The following SMYD3 variants were observed in gnomAD, a reference collection of about 807,000 sequenced individuals.
SMYD3 encodes the protein histone-lysine N-methyltransferase SMYD3.
SMYD3 carries 36 observed loss-of-function variants against 57.7 expected under a neutral mutation model. That is an observed-to-expected ratio of 0.62 (90% confidence interval 0.48 to 0.82). The LOEUF (loss-of-function observed/expected upper bound fraction) is 0.82, where lower values mean the gene tolerates loss of function less well. Among genes scored for constraint, SMYD3 ranks in the 40% least tolerant of loss-of-function variants. SMYD3 has a pLI of 0.00. For synonymous variants in SMYD3, 211 were observed against 195.0 expected, an observed-to-expected ratio of 1.08 and a Z score of -0.68; for missense variants, 515 against 538.8, an observed-to-expected ratio of 0.96 and a Z score of 0.44.
intron 5 of SMYD3, among the ~76,000 whole-genome samples, chr1:246,127,846 C>T (rs1015258438): frequency 5.3e-5 from 8 of 151,632 alleles, no homozygotes; most frequent in African/African-American, 1.2e-4. Flanking sequence ...CAGTGAGCCA[C>T]GATCACGCCC....
At chr1:246,413,205 A>C (rs2067005168) in intron 1 of SMYD3, among the ~76,000 whole-genome samples, 1 of 152,224 alleles carries the variant, frequency 6.6e-6, no homozygotes, top group Non-Finnish European at 1.5e-5. Context: ...CGTAGGTACC[A>C]AATTTAGCTT....
intron 5 of SMYD3, among the ~76,000 whole-genome samples, chr1:246,036,755 G>A (rs937263707): frequency 7.2e-6 from 1 of 139,598 alleles, no homozygotes; most frequent in East Asian, 2.2e-4. Flanking sequence ...TAGTAGAGAT[G>A]GGGTTTCACC....
chr1:246,255,705 T>C (rs183713571), intron 5 of SMYD3, among the ~76,000 whole-genome samples: 31 of 152,034 alleles, frequency 2.0e-4, no homozygotes, highest in African/African-American at 6.3e-4. Flanking sequence ...AGTTTCAAAA[T>C]TGGTAGCAGC....
At chr1:246,359,116 G>A (rs2065951408) in intron 1 of SMYD3, among the ~76,000 whole-genome samples, 1 of 152,108 alleles carries the variant, frequency 6.6e-6, no homozygotes, top group African/African-American at 2.4e-5. Flanking sequence ...AGCTCAACTG[G>A]AAATGAAATG....
At chr1:246,465,340 T>G (rs1367159198) in intron 1 of SMYD3, among the ~76,000 whole-genome samples, 4 of 152,214 alleles carry the variant, frequency 2.6e-5, no homozygotes, top group Non-Finnish European at 5.9e-5. Context: ...ATAAACGAAT[T>G]CACAAATCAG....
At chr1:246,151,832 T>C (rs1230122788) in intron 5 of SMYD3, among the ~76,000 whole-genome samples, 2 of 152,214 alleles carry the variant, frequency 1.3e-5, no homozygotes, top group Non-Finnish European at 2.9e-5. Context: ...TAGGCCTGCT[T>C]TCCAGTGACC....
intron 5 of SMYD3, among the ~76,000 whole-genome samples, chr1:246,284,420 CTTT>C (rs11354241): frequency 2.8e-5 from 4 of 141,434 alleles, no homozygotes; most frequent in Non-Finnish European, 3.1e-5. Flanking sequence ...TTTTCTTTTT[CTTT>C]TTTTTTTTTT....
At position 246,247,197 on chromosome 1, in the gene SMYD3, C is replaced by T. The variant is rs923534339; in HGVS notation, c.531+80004G>A. The stretch of plus-strand genomic sequence containing the variant: ...ATGAAAAATTAGCTGCTCAGTATAA[C>T]GAATTGCCAGATGCTGGACTCAAGT... On this transcript the variant is annotated intron_variant, in intron 5 of 11. Transcript: ENST00000490107. 8.5e-5 allele frequency among the ~76,000 whole-genome samples: 13 copies of T among 152,082 alleles called. No homozygotes were observed. In the East Asian group the frequency reaches 2.1e-3, roughly 25 times the overall value.
intron 10 of SMYD3, among the ~76,000 whole-genome samples, chr1:245,796,784 T>C (rs2817478): frequency 0.1 from 15,966 of 152,258 alleles, 1,042 homozygotes; most frequent in Non-Finnish European, 0.14. Flanking sequence ...TTAGCTCTTT[T>C]AGGACAGCTA....
chr1:246,411,912 A>G (rs2066979809), intron 1 of SMYD3, among the ~76,000 whole-genome samples: 1 of 151,152 alleles, frequency 6.6e-6, no homozygotes, highest in South Asian at 2.1e-4. Flanking sequence ...CTAACATGGC[A>G]CATGTATACA....
At chr1:245,838,668 G>A (rs1212097014) in intron 10 of SMYD3, among the ~76,000 whole-genome samples, 1 of 152,212 alleles carries the variant, frequency 6.6e-6, no homozygotes, top group African/African-American at 2.4e-5. Context: ...GCAAGTGGAA[G>A]GCCCTACAGT....
At chr1:246,194,272 G>GTTTT (rs372181316) in intron 5 of SMYD3, among the ~76,000 whole-genome samples, 2 of 144,384 alleles carry the variant, frequency 1.4e-5, no homozygotes, top group Non-Finnish European at 3.1e-5. Flanking sequence ...GGGTTTTTTT[G>GTTTT]TTTTTTTTTT....
At chr1:246,443,261 C>G (rs1164262012) in intron 1 of SMYD3, among the ~76,000 whole-genome samples, 2 of 152,206 alleles carry the variant, frequency 1.3e-5, no homozygotes, top group Admixed American at 6.5e-5. Context: ...GATCCTCAAA[C>G]TGTACATTTC....
chr1:245,848,774 G>T (rs9661574), intron 10 of SMYD3, among the ~76,000 whole-genome samples: 22,225 of 152,080 alleles, frequency 0.15, 2,158 homozygotes, highest in East Asian at 0.27. Context: ...CAAGGTAGAC[G>T]GGGAATAAGT....
intron 5 of SMYD3, among the ~76,000 whole-genome samples, chr1:246,218,614 C>CT (rs1209037672): frequency 2.5e-4 from 36 of 145,566 alleles, no homozygotes; most frequent in African/African-American, 9.2e-4. Flanking sequence ...GAGCGAGACT[C>CT]CGTCTCAAAA....
At chr1:245,842,467 T>C (rs2050452696) in intron 10 of SMYD3, among the ~76,000 whole-genome samples, 1 of 152,138 alleles carries the variant, frequency 6.6e-6, no homozygotes, top group African/African-American at 2.4e-5. Context: ...ATGGAACAAT[T>C]ATCCTGACAG....
chr1:246,372,562 A>G (rs914367031), intron 1 of SMYD3, among the ~76,000 whole-genome samples: 26 of 152,204 alleles, frequency 1.7e-4, no homozygotes, highest in African/African-American at 6.0e-4. Context: ...GAGTAGGTAC[A>G]GAAAGAGGAG....
intron 11 of SMYD3, among the ~76,000 whole-genome samples, chr1:245,763,633 C>T (rs749202252): frequency 1.4e-4 from 21 of 151,964 alleles, no homozygotes; most frequent in Non-Finnish European, 1.3e-4. Flanking sequence ...AACTGCCACA[C>T]AGATGGTCAA....
At chr1:246,002,205 A>G (rs1377711611) in intron 5 of SMYD3, among the ~76,000 whole-genome samples, 100 of 151,464 alleles carry the variant, frequency 6.6e-4, no homozygotes, top group Middle Eastern at 6.8e-3. Flanking sequence ...TATTTTTTTA[A>G]ATGGAGTCTC....
Sources: gnomAD v4.1 joint callset for allele counts (sites outside exome capture counted in the v4.1 genomes callset) on GRCh38, gnomAD v4.1.1 for gene constraint, MANE v1.5 for transcripts, NCBI Gene and HGNC (gene_info 2026-07-23, HGNC 2026-07-21) for gene names.